The following RASA2 variants were observed in gnomAD, a reference collection of about 807,000 sequenced individuals.
RASA2 encodes the protein ras GTPase-activating protein 2.
RASA2 carries 155 observed loss-of-function variants against 118.2 expected under a neutral mutation model. The ratio of observed to expected loss-of-function variants is 1.31; its 90% CI spans 1.15 to 1.50. RASA2 has a LOEUF of 1.50. RASA2 is among the 40% of genes most tolerant of loss of function. RASA2 has a pLI of 0.00. For missense variants in RASA2, 1,016 were observed against 1,009.6 expected, an observed-to-expected ratio of 1.01 and a Z score of -0.09; for synonymous variants, 353 against 349.1, an observed-to-expected ratio of 1.01 and a Z score of -0.12.
chr3:141,495,607 ATTG>A, intron 1 of RASA2, among the ~76,000 whole-genome samples: 1 of 145,808 alleles, frequency 6.9e-6, no homozygotes, highest in Admixed American at 6.7e-5. Flanking sequence ...TATTTTCCTC[ATTG>A]TTGTTGTGAG....
intron 2 of RASA2, 51 bp from the exon 3 acceptor site, chr3:141,516,274 AATT>A (rs1420644535): frequency 7.0e-6 from 8 of 1,139,100 alleles, no homozygotes; most frequent in East Asian, 7.5e-5. Context: ...AAGTGATATT[AATT>A]ATTATTTATT....
intron 5 of RASA2, among the ~76,000 whole-genome samples, chr3:141,545,890 C>T (rs1577714066): frequency 6.6e-6 from 1 of 152,170 alleles, no homozygotes; most frequent in South Asian, 2.1e-4. Flanking sequence ...AAACTTTGTT[C>T]TACTCTCTGT....
chr3:141,614,284 A>G lies in RASA2; in HGVS notation c.*1971A>G, dbSNP rs993725271. ...TGAAAGGAGGAGAGTTCAGCCATCT[A>G]GTTCTTTTCTTCACATGACACTTTT... On this transcript the variant is annotated 3_prime_UTR_variant, in exon 24 of 24. Transcript: ENST00000286364. The G allele has an allele frequency of 1.3e-5, 2 of 152,200 alleles. No homozygotes were observed. The highest frequency in any genetic ancestry group is 1.9e-4 in the East Asian group (1 of 5,200). 9.4% of individuals were successfully genotyped at this position (152,200 alleles called of 1,614,324 possible).
At chr3:141,495,715 G>T (rs1291700491) in intron 1 of RASA2, among the ~76,000 whole-genome samples, 1 of 152,130 alleles carries the variant, frequency 6.6e-6, no homozygotes, top group Non-Finnish European at 1.5e-5. Context: ...CTACCTATTT[G>T]CCCTGCATCA....
At chr3:141,571,339 C>T in intron 10 of RASA2, 67 bp from the exon 11 acceptor site, 2 of 1,541,956 alleles carry the variant, frequency 1.3e-6, no homozygotes, top group Admixed American at 1.9e-5. Flanking sequence ...CTTTTACAGG[C>T]TAGTGATTGA....
rs2083702046 is a variant in RASA2, at chr3:141,614,737, A to C, written c.*2424A>C. 1 of 152,166 alleles carries C rather than the reference A, an allele frequency of 6.6e-6. No homozygotes were observed. The highest frequency in any genetic ancestry group is 6.5e-5 in the Admixed American group (1 of 15,268). The allele number at this position is 152,166 out of a possible 1,614,324, so 9.4% of individuals were successfully genotyped here. Reference sequence around the variant, plus strand: ...TAGCTTTGTTTTTTAATATTCATTTAATAAGATGATGGGCAATAGCAAACA... The same window carrying C: ...TAGCTTTGTTTTTTAATATTCATTTCATAAGATGATGGGCAATAGCAAACA... On this transcript the variant is annotated 3_prime_UTR_variant, in exon 24 of 24. Transcript: ENST00000286364.
intron 1 of RASA2, among the ~76,000 whole-genome samples, chr3:141,490,561 G>A (rs2081629000): frequency 6.6e-6 from 1 of 152,120 alleles, no homozygotes; most frequent in Non-Finnish European, 1.5e-5. Context: ...AGATCAATAA[G>A]AGAGCCAAAT....
chr3:141,516,003 A>G lies in RASA2; in HGVS notation c.252-325A>G, dbSNP rs532618034. ...ACTCATAGGTGGGAACTGAACAATGAGAACACTTGGACACAGGAAGGGGAG... is the reference window on the plus strand; with the variant it reads ...ACTCATAGGTGGGAACTGAACAATGGGAACACTTGGACACAGGAAGGGGAG... On this transcript the variant is annotated intron_variant, in intron 2 of 23. Transcript: ENST00000286364. Among the ~76,000 whole-genome samples the G allele has an allele frequency of 2.1e-5, 3 of 140,708 alleles. No homozygotes were observed. In the South Asian group the frequency reaches 6.6e-4, roughly 31 times the overall value. The allele number at this position is 140,708 out of a possible 152,430, so 92.3% of individuals were successfully genotyped here.
At chr3:141,559,148 T>C (rs2082692573) in intron 8 of RASA2, among the ~76,000 whole-genome samples, 186 bp downstream of exon 8, 1 of 152,150 alleles carries the variant, frequency 6.6e-6, no homozygotes, top group Non-Finnish European at 1.5e-5. Flanking sequence ...TTTGCAGAAA[T>C]AGTCAAAGTG....
At chr3:141,561,834 TTTC>T (rs1011059300) in intron 9 of RASA2, among the ~76,000 whole-genome samples, 2 of 152,224 alleles carry the variant, frequency 1.3e-5, no homozygotes, top group Non-Finnish European at 2.9e-5. Flanking sequence ...TTACTGGGTT[TTTC>T]TTTTCAACAG....
intron 19 of RASA2, among the ~76,000 whole-genome samples, chr3:141,604,331 C>CT (rs1414232480): frequency 2.6e-5 from 4 of 151,982 alleles, no homozygotes; most frequent in Non-Finnish European, 4.4e-5. Context: ...TGTTTGCACT[C>CT]TATCTTTCTG....
intron 19 of RASA2, among the ~76,000 whole-genome samples, chr3:141,601,951 A>G (rs1462338665): frequency 1.3e-5 from 2 of 152,146 alleles, no homozygotes; most frequent in Non-Finnish European, 2.9e-5. Context: ...TGTACTTTTC[A>G]GCTCCAGAAT....
At chr3:141,591,401 C>G (rs1031447293) in intron 19 of RASA2, among the ~76,000 whole-genome samples, 10 of 152,160 alleles carry the variant, frequency 6.6e-5, no homozygotes, top group Non-Finnish European at 1.5e-4. Context: ...TAGCCATTCC[C>G]TTACTGTGTA....
chr3:141,530,972 A>G (rs983850093), intron 4 of RASA2, among the ~76,000 whole-genome samples: 2 of 152,126 alleles, frequency 1.3e-5, no homozygotes, highest in East Asian at 1.9e-4. Context: ...TTTCATTTCT[A>G]TAAAGTGGGA....
At chr3:141,505,795 C>T (rs535250893) in intron 1 of RASA2, among the ~76,000 whole-genome samples, 18 of 139,914 alleles carry the variant, frequency 1.3e-4, no homozygotes, top group East Asian at 5.9e-4. Context: ...TGTGTGTGTA[C>T]GTATTAAAAA....
intron 4 of RASA2, among the ~76,000 whole-genome samples, chr3:141,531,080 A>C (rs2082252861): frequency 6.6e-6 from 1 of 152,088 alleles, no homozygotes; most frequent in African/African-American, 2.4e-5. Context: ...GATGTAAAAT[A>C]TTGTCTGTTT....
intron 14 of RASA2, among the ~76,000 whole-genome samples, chr3:141,574,353 C>A (rs2082975018): frequency 6.6e-6 from 1 of 151,852 alleles, no homozygotes; most frequent in African/African-American, 2.4e-5. Flanking sequence ...CCATGCCCAG[C>A]TAATTTTTTA....
rs79566497 is a variant in RASA2, at chr3:141,540,809, A to C, written c.527+200A>C. Among the ~76,000 whole-genome samples the C allele has an allele frequency of 0.058, 8,841 of 152,154 alleles. 885 individuals carry two copies. Among genetic ancestry groups the C allele is most frequent in the African/African-American group, 0.2 (8,376 of 41,498 alleles). On this transcript the variant is annotated intron_variant, in intron 5 of 23. Coordinates refer to ENST00000286364, the MANE Select transcript of RASA2 (RefSeq NM_006506.5). ...GTTATGGTGAGTCATTAATTTATTC[A>C]ACTAATATTTATTGAATATGGGTTA...
At position 141,570,924 on chromosome 3, in the gene RASA2, G is replaced by A. The variant is rs370935916; in HGVS notation, c.876G>A (p.Gln292=). ...ATTTTTACTTTAGGTACTTGCTACA[G>A]CCAAGAGACAATGGAAACAAGTCAT... ...DSSHQAWYLL[Q]PRDNGNKSSK... The change falls in exon 10 of 24, where the codon CAG becomes CAA. Residue 292 remains glutamine (Q), a synonymous_variant. Transcript: ENST00000286364. The A allele has an allele frequency of 6.2e-7, 1 of 1,607,470 alleles. No homozygotes were observed. Among genetic ancestry groups the A allele is most frequent in the Admixed American group, 1.7e-5 (1 of 58,472 alleles).
Sources: gnomAD v4.1 joint callset for allele counts (sites outside exome capture counted in the v4.1 genomes callset) on GRCh38, gnomAD v4.1.1 for gene constraint, MANE v1.5 for transcripts, NCBI Gene and HGNC (gene_info 2026-07-23, HGNC 2026-07-21) for gene names.